Variants in IMMP2L observed in about 807,000 individuals in gnomAD.
The protein encoded by IMMP2L is inner mitochondrial membrane peptidase subunit 2, also known as mitochondrial inner membrane protease subunit 2.
In IMMP2L, 18 loss-of-function variants were observed where a neutral mutation model predicts 19.3. The ratio of observed to expected loss-of-function variants is 0.93; its 90% CI spans 0.64 to 1.38. IMMP2L has a LOEUF of 1.38. Among genes scored for constraint, IMMP2L ranks in the 40% most tolerant of loss-of-function variants. IMMP2L has a pLI of 0.00. For missense variants in IMMP2L, 233 were observed against 218.2 expected (o/e 1.07, Z -0.43); for synonymous variants, 76 against 73.0 (o/e 1.04, Z -0.21).
chr7:110,911,382 G>A (rs1299909528), intron 4 of IMMP2L, among the ~76,000 whole-genome samples: 1 of 152,066 alleles, frequency 6.6e-6, no homozygotes. Context: ...CCCTCCAAGG[G>A]TTTCTAAATA....
intron 3 of IMMP2L, chr7:111,411,622 A>G: frequency 3.5e-6 from 1 of 282,074 alleles, no homozygotes; most frequent in Non-Finnish European, 7.1e-6. Flanking sequence ...AAGTGCACAA[A>G]ATCAACCCTG....
chr7:111,455,007 T>C (rs1318627458), intron 3 of IMMP2L, among the ~76,000 whole-genome samples: 1 of 151,868 alleles, frequency 6.6e-6, no homozygotes, highest in African/African-American at 2.4e-5. Flanking sequence ...CACTGAAATA[T>C]GCAAAATATT....
At chr7:111,226,002 T>C (rs1375239076) in intron 3 of IMMP2L, among the ~76,000 whole-genome samples, 3 of 152,128 alleles carry the variant, frequency 2.0e-5, no homozygotes, top group Admixed American at 2.0e-4. Context: ...CTCATTTAAT[T>C]TGGGTTTGAA....
At chr7:111,080,660 ACTCAATTAAGC>A (rs1289544278) in intron 3 of IMMP2L, among the ~76,000 whole-genome samples, 1 of 152,082 alleles carries the variant, frequency 6.6e-6, no homozygotes, top group African/African-American at 2.4e-5. Context: ...ATCATTCTAC[ACTCAATTAAGC>A]CAGGCTAAGG....
Position 111,123,825 on chromosome 7 carries a change from T to C in IMMP2L, c.240-160260A>G, listed in dbSNP as rs1265664280. 1 of 1,613,980 alleles carries C rather than the reference T, an allele frequency of 6.2e-7. No homozygotes were observed. Among genetic ancestry groups the C allele is most frequent in the Middle Eastern group, 1.7e-4 (1 of 6,060 alleles). On this transcript the variant is annotated intron_variant, in intron 3 of 5. Transcript: ENST00000405709. This position sits in a 1 kb window ranked among gnomAD's most constrained non-coding sequence, Gnocchi z 6.4. ...GCAATGCTCTCAGTGCCCTGTACCA[T>C]GGTACCATTGAGTCTCTGCCAAACC... is the stretch of plus-strand genomic sequence containing the variant.
At chr7:111,040,139 A>G (rs1377885221) in intron 3 of IMMP2L, among the ~76,000 whole-genome samples, 1 of 152,192 alleles carries the variant, frequency 6.6e-6, no homozygotes, top group Non-Finnish European at 1.5e-5. Flanking sequence ...ACTGCACTGC[A>G]GCCTGGGTGA....
chr7:110,920,703 C>A (rs189665863), intron 4 of IMMP2L, among the ~76,000 whole-genome samples: 1 of 152,272 alleles, frequency 6.6e-6, no homozygotes, highest in Non-Finnish European at 1.5e-5. Flanking sequence ...GCAATGATCA[C>A]TATGGGGTAT....
At chr7:111,288,235 T>A (rs149178008) in intron 3 of IMMP2L, among the ~76,000 whole-genome samples, 1 of 152,164 alleles carries the variant, frequency 6.6e-6, no homozygotes, top group East Asian at 1.9e-4. Context: ...AGATATTCTA[T>A]GAAAGAAATT....
chr7:110,996,157 C>T (rs1230169690), intron 3 of IMMP2L, among the ~76,000 whole-genome samples: 2 of 152,086 alleles, frequency 1.3e-5, no homozygotes, highest in East Asian at 3.9e-4. Context: ...TATGACAAGT[C>T]AAAATACCAT....
intron 5 of IMMP2L, among the ~76,000 whole-genome samples, chr7:110,722,611 G>C (rs1243204548): frequency 6.6e-6 from 1 of 152,086 alleles, no homozygotes; most frequent in East Asian, 1.9e-4. Flanking sequence ...CAAATAGATA[G>C]CATACATTGT....
intron 4 of IMMP2L, 49 bp from the exon 5 acceptor site, chr7:110,886,744 A>G (rs1367488803): frequency 4.6e-6 from 4 of 866,618 alleles, no homozygotes; most frequent in Non-Finnish European, 7.8e-6. Flanking sequence ...AAAGAGATCA[A>G]ACTGCTGGGC....
At chr7:111,025,192 A>T (rs1237936484) in intron 3 of IMMP2L, among the ~76,000 whole-genome samples, 1 of 152,194 alleles carries the variant, frequency 6.6e-6, no homozygotes, top group African/African-American at 2.4e-5. Flanking sequence ...TCAGGGGCCT[A>T]TACGCACCAG....
intron 3 of IMMP2L, among the ~76,000 whole-genome samples, chr7:111,439,375 T>G (rs1276703793): frequency 6.6e-6 from 1 of 151,738 alleles, no homozygotes; most frequent in East Asian, 1.9e-4. Context: ...TACTCACACA[T>G]TACATCAAGG....
chr7:111,325,381 A>G (rs566834032), intron 3 of IMMP2L, among the ~76,000 whole-genome samples: 81 of 151,808 alleles, frequency 5.3e-4, no homozygotes, highest in Non-Finnish European at 8.0e-4. Context: ...TTGTATGCAG[A>G]TAAGTACAAA....
intron 3 of IMMP2L, among the ~76,000 whole-genome samples, chr7:111,198,760 T>C (rs1165983032): frequency 6.6e-6 from 1 of 152,170 alleles, no homozygotes; most frequent in African/African-American, 2.4e-5. Context: ...ACTCGTTCAT[T>C]CTGGAACTCT....
At chr7:110,837,421 G>C (rs995382405) in intron 5 of IMMP2L, among the ~76,000 whole-genome samples, 1 of 151,794 alleles carries the variant, frequency 6.6e-6, no homozygotes, top group African/African-American at 2.4e-5. Context: ...AAGAGGTAAG[G>C]GTGGGGAATA....
At chr7:111,130,512 G>A (rs75629796) in intron 3 of IMMP2L, among the ~76,000 whole-genome samples, 2,513 of 152,176 alleles carry the variant, frequency 0.017, 28 homozygotes, top group Non-Finnish European at 0.027. Context: ...ATGGTTCAGT[G>A]TCTGAAGTTA....
intron 3 of IMMP2L, among the ~76,000 whole-genome samples, chr7:111,147,800 G>A (rs1803641370): frequency 6.6e-6 from 1 of 152,046 alleles, no homozygotes; most frequent in African/African-American, 2.4e-5. Flanking sequence ...ACAAACAATT[G>A]TCAAAATAAA....
rs189683926 is a variant in IMMP2L at position 110,736,578 on chromosome 7, C to T, written c.409-72857G>A. ...AGCTTTGCGGACCCAACTTCCACCC[C>T]AGTATATCCAGAAAGCAGACATAGA... On this transcript the variant is annotated intron_variant, in intron 5 of 5. Transcript: ENST00000405709. Among the ~76,000 whole-genome samples, 846 of 152,290 alleles carry T rather than the reference C, an allele frequency of 5.6e-3. 6 individuals are homozygous for T. The highest frequency in any genetic ancestry group is 8.5e-3 in the Non-Finnish European group (579 of 68,030).
Sources: allele counts gnomAD v4.1 joint callset (sites outside exome capture counted in the v4.1 genomes callset), GRCh38; gene constraint gnomAD v4.1.1; non-coding constraint Gnocchi (gnomAD v3.1); transcripts MANE v1.5; gene names NCBI Gene and HGNC (gene_info 2026-07-23, HGNC 2026-07-21).